Variants in PTPRR observed in about 807,000 individuals in gnomAD.
PTPRR encodes protein tyrosine phosphatase receptor type R, also known as receptor-type tyrosine-protein phosphatase R.
In PTPRR, 38 loss-of-function variants were observed where a neutral mutation model predicts 77.2. The observed-to-expected ratio is 0.49, with a 90% CI of 0.38 to 0.65. The LOEUF is 0.65. PTPRR is among the 30% of genes least tolerant of loss of function. The pLI, the probability that PTPRR is intolerant of heterozygous loss-of-function variation, is 0.00. For missense variants in PTPRR, 744 were observed against 799.2 expected, an observed-to-expected ratio of 0.93 and a Z score of 0.83; for synonymous variants, 299 against 283.1, an observed-to-expected ratio of 1.06 and a Z score of -0.57.
chr12:70,883,522 T>C (rs538384913), intron 2 of PTPRR, among the ~76,000 whole-genome samples: 2 of 152,314 alleles, frequency 1.3e-5, no homozygotes, highest in East Asian at 3.9e-4. Flanking sequence ...TCCCCCCTAG[T>C]TCTCTCCTTT....
intron 13 of PTPRR, among the ~76,000 whole-genome samples, chr12:70,643,450 C>A (rs553537659): frequency 1.3e-5 from 2 of 152,298 alleles, no homozygotes; most frequent in South Asian, 4.1e-4. Flanking sequence ...GCTGGGATTA[C>A]AGGCATGAGC....
At chr12:70,694,570 C>A (rs1330517454) in intron 8 of PTPRR, among the ~76,000 whole-genome samples, 1 of 152,070 alleles carries the variant, frequency 6.6e-6, no homozygotes, top group East Asian at 1.9e-4. Flanking sequence ...CCAAATATTG[C>A]ATGTTCTCAC....
intron 6 of PTPRR, among the ~76,000 whole-genome samples, chr12:70,707,509 T>G (rs773499517): frequency 3.3e-5 from 5 of 152,176 alleles, no homozygotes; most frequent in Non-Finnish European, 5.9e-5. Flanking sequence ...ATTATTGAGA[T>G]GTGTCATAGT....
chr12:70,698,207 A>G (rs1565652962), intron 8 of PTPRR, 58 bp downstream of exon 8: 65 of 1,457,180 alleles, frequency 4.5e-5, no homozygotes, highest in Non-Finnish European at 6.0e-5. Context: ...ATTTCTCCTA[A>G]TGGCTATCCC....
chr12:70,824,671 T>C (rs1030698027), intron 2 of PTPRR, among the ~76,000 whole-genome samples: 3 of 152,196 alleles, frequency 2.0e-5, no homozygotes, highest in Admixed American at 6.5e-5. Flanking sequence ...TGTCAGCTGC[T>C]GGTTCGTGTT....
chr12:70,772,562 G>T (rs1408968855), intron 2 of PTPRR, among the ~76,000 whole-genome samples: 3 of 152,088 alleles, frequency 2.0e-5, no homozygotes, highest in African/African-American at 7.2e-5. Context: ...GTCAAAAGAG[G>T]TATAGGGTTC....
At chr12:70,726,003 A>G (rs745694800) in intron 6 of PTPRR, among the ~76,000 whole-genome samples, 45 of 152,234 alleles carry the variant, frequency 3.0e-4, no homozygotes, top group Non-Finnish European at 4.6e-4. Context: ...TGTACACATC[A>G]TAGATAGATG....
intron 2 of PTPRR, among the ~76,000 whole-genome samples, chr12:70,842,723 G>A (rs1481977207): frequency 6.6e-6 from 1 of 152,194 alleles, no homozygotes; most frequent in Admixed American, 6.5e-5. Flanking sequence ...GGATTGCTCA[G>A]TGTGACCTCT....
At chr12:70,660,298 T>C (rs1051468428) in intron 12 of PTPRR, among the ~76,000 whole-genome samples, 12 of 152,172 alleles carry the variant, frequency 7.9e-5, no homozygotes, top group Non-Finnish European at 1.3e-4. Context: ...GTATCAGTTT[T>C]AGGAAGAGAG....
At chr12:70,658,138 C>T (rs925787915) in intron 12 of PTPRR, among the ~76,000 whole-genome samples, 1 of 152,182 alleles carries the variant, frequency 6.6e-6, no homozygotes, top group Admixed American at 6.5e-5. Context: ...GTCTTCCCTC[C>T]CGTGTGCCAT....
intron 10 of PTPRR, among the ~76,000 whole-genome samples, chr12:70,674,902 T>A (rs965936665): frequency 3.9e-5 from 6 of 152,100 alleles, no homozygotes; most frequent in African/African-American, 1.2e-4. Flanking sequence ...CTTCAGATAT[T>A]TGGGGGGAGG....
chr12:70,722,099 C>G (rs751027881), intron 6 of PTPRR, among the ~76,000 whole-genome samples: 3 of 152,168 alleles, frequency 2.0e-5, no homozygotes, highest in Non-Finnish European at 4.4e-5. Context: ...TATGCGCCCC[C>G]CGTGGACGCT....
intron 2 of PTPRR, among the ~76,000 whole-genome samples, chr12:70,855,960 T>C (rs1892644791): frequency 6.6e-6 from 1 of 152,162 alleles, no homozygotes; most frequent in Non-Finnish European, 1.5e-5. Context: ...CTGTGCACTT[T>C]AGTAAATAGA....
At chr12:70,800,233 C>G (rs557303632) in intron 2 of PTPRR, among the ~76,000 whole-genome samples, 59 of 152,164 alleles carry the variant, frequency 3.9e-4, no homozygotes, top group African/African-American at 5.8e-4. Flanking sequence ...CCCTTTCCCC[C>G]CTACCCACTG....
chr12:70,914,152 T>A (rs990346165), intron 1 of PTPRR, among the ~76,000 whole-genome samples: 5 of 152,110 alleles, frequency 3.3e-5, no homozygotes, highest in African/African-American at 1.2e-4. Flanking sequence ...GTATTGGTAT[T>A]TAAGAGAAAT....
intron 2 of PTPRR, among the ~76,000 whole-genome samples, chr12:70,839,500 T>C (rs1280015285): frequency 1.3e-5 from 2 of 152,192 alleles, no homozygotes; most frequent in African/African-American, 4.8e-5. Context: ...ATACAGACTA[T>C]TTAAAAACTA....
chr12:70,855,392 C>T (rs1892635188), intron 2 of PTPRR, among the ~76,000 whole-genome samples: 1 of 152,118 alleles, frequency 6.6e-6, no homozygotes, highest in Non-Finnish European at 1.5e-5. Context: ...GCAGGGAAGC[C>T]TGTTAAGGAA....
intron 2 of PTPRR, among the ~76,000 whole-genome samples, chr12:70,878,578 G>A (rs1377516352): frequency 2.0e-5 from 3 of 152,142 alleles, no homozygotes; most frequent in Non-Finnish European, 2.9e-5. Context: ...TTAGAATGGT[G>A]ATCATTAAAA....
At chr12:70,744,425 G>A (rs1332469865) in intron 6 of PTPRR, among the ~76,000 whole-genome samples, 1 of 152,244 alleles carries the variant, frequency 6.6e-6, no homozygotes, top group African/African-American at 2.4e-5. Flanking sequence ...AGGGGAGGAG[G>A]TGGAAAGAAT....
Sources: allele counts gnomAD v4.1 joint callset (sites outside exome capture counted in the v4.1 genomes callset), GRCh38; gene constraint gnomAD v4.1.1; transcripts MANE v1.5; gene names NCBI Gene and HGNC (gene_info 2026-07-23, HGNC 2026-07-21).